The following LAMA5 variants were observed in gnomAD, a reference collection of about 807,000 sequenced individuals.
LAMA5 encodes the protein laminin subunit alpha 5, also known as laminin subunit alpha-5.
LAMA5 carries 260 observed loss-of-function variants against 433.4 expected under a neutral mutation model. The ratio of observed to expected loss-of-function variants is 0.60; its 90% CI spans 0.54 to 0.66. The LOEUF (loss-of-function observed/expected upper bound fraction) is 0.66, where lower values mean the gene tolerates loss of function less well. LAMA5 is among the 30% of genes least tolerant of loss of function. The probability of loss-of-function intolerance (pLI) is 0.00; values close to 1 mark genes in which losing one functional copy is unlikely to be tolerated. For missense variants in LAMA5, 5,378 were observed against 5,258.5 expected, an observed-to-expected ratio of 1.02 and a Z score of -0.70; for synonymous variants, 2,620 against 2,226.6, an observed-to-expected ratio of 1.18 and a Z score of -4.97.
At chr20:62,334,728 G>GGCTC (rs1981212483) in intron 20 of LAMA5, 107 bp from the exon 21 acceptor site, 1 of 695,230 alleles carries the variant, frequency 1.4e-6, no homozygotes, top group East Asian at 3.6e-5. Flanking sequence ...GGATGATGGA[G>GGCTC]AGTCAGGGCT....
In LAMA5 at chr20:62,312,006, T is replaced by C; in HGVS notation, c.9549A>G (p.Leu3183=). The C allele has an allele frequency of 6.2e-7, 1 of 1,612,692 alleles. No homozygotes were observed. The highest frequency in any genetic ancestry group is 1.1e-5 in the South Asian group (1 of 91,088). The change falls in exon 70 of 80, where the codon CTA becomes CTG. Residue 3183 remains leucine, a synonymous_variant. Coordinates refer to ENST00000252999, the MANE Select transcript of LAMA5 (RefSeq NM_005560.6). ...QVSLQQGRVS[L]QLLRTEVKTQ... ...TTTTCACTTCAGTCCTCAGGAGCTG[T>C]AGGCTCACACGGCCCTGCTGCAGGG...
chr20:62,313,077 G>C lies in LAMA5; in HGVS notation c.8955+11C>G. ...CAAGTGGGGATGGCAGGACGGGTGTGCCTGGCGCACCTGCTGCTTCAGGAA... is the reference window on the plus strand; with the variant it reads ...CAAGTGGGGATGGCAGGACGGGTGTCCCTGGCGCACCTGCTGCTTCAGGAA... On this transcript the variant is annotated intron_variant, in intron 65 of 79. Coordinates refer to ENST00000252999, the MANE Select transcript of LAMA5 (RefSeq NM_005560.6). The C allele has an allele frequency of 6.2e-7, 1 of 1,608,248 alleles. No homozygotes were observed. Among genetic ancestry groups the C allele is most frequent in the East Asian group, 2.2e-5 (1 of 44,838 alleles).
At chr20:62,318,333 G>T in intron 53 of LAMA5, 121 bp downstream of exon 53, 2 of 450,334 alleles carry the variant, frequency 4.4e-6, no homozygotes, top group Non-Finnish European at 7.9e-6. Flanking sequence ...GGAGGACGAG[G>T]GAGGGGAGGA....
At position 62,316,814 on chromosome 20, in the gene LAMA5, C is replaced by T. The variant is rs138943525; in HGVS notation, c.7654-41G>A. On this transcript the variant is annotated intron_variant, in intron 56 of 79. Coordinates refer to ENST00000252999, the MANE Select transcript of LAMA5 (RefSeq NM_005560.6). ...CAGACCGTGGCTCAGACACGCAGGC[C>T]GGGGCTGCGGGAGGTGCAGGCAGTG... The T allele has an allele frequency of 3.7e-4, 571 of 1,560,308 alleles. 7 individuals are homozygous for T. The East Asian group carries it at 0.011, about 31-fold the overall frequency.
chr20:62,352,604 C>T (rs575609886), intron 3 of LAMA5, among the ~76,000 whole-genome samples: 4 of 152,266 alleles, frequency 2.6e-5, no homozygotes, highest in Non-Finnish European at 5.9e-5. Flanking sequence ...TCCTCACCCC[C>T]TTCCTTGGGG....
Position 62,311,389 on chromosome 20 carries a change from TG to T in LAMA5, c.9942+11del, listed in dbSNP as rs757675501. ...CACCCCAGCTCTGCCTGCTCACCCC[TG>T]GGGTGCCCACCTTCCGGGCGGTGGC... is the stretch of plus-strand genomic sequence containing the variant. On this transcript the variant is annotated intron_variant, in intron 72 of 79. Transcript: ENST00000252999. 1 of 1,549,444 alleles carries T rather than the reference TG, an allele frequency of 6.5e-7. No homozygotes were observed. The highest frequency in any genetic ancestry group is 1.4e-5 in the African/African-American group (1 of 73,442).
intron 11 of LAMA5, among the ~76,000 whole-genome samples, chr20:62,343,706 G>A (rs1229801164): frequency 3.6e-5 from 5 of 137,816 alleles, no homozygotes; most frequent in Non-Finnish European, 7.6e-5. Flanking sequence ...AACTCGGGGG[G>A]CAGAGGTTGC....
At position 62,337,675 on chromosome 20, in the gene LAMA5, A is replaced by G. The variant is rs200746010; in HGVS notation, c.2079T>C (p.Ser693=). The change falls in exon 16 of 80, where the codon AGT becomes AGC. Residue 693 remains serine (S), a synonymous_variant. Coordinates refer to ENST00000252999, the MANE Select transcript of LAMA5 (RefSeq NM_005560.6). Reference sequence around the variant, plus strand: ...CACGGGGCCGGCAGCTGCACTGCCCACTCCGGGGGTCACAGGCTGCGTGCA... The same window carrying G: ...CACGGGGCCGGCAGCTGCACTGCCCGCTCCGGGGGTCACAGGCTGCGTGCA... ...GSLHAACDPR[S]GQCSCRPRVT... 5 of 1,611,946 alleles carry G rather than the reference A, an allele frequency of 3.1e-6. No individual in the cohort carries two copies. Among genetic ancestry groups the G allele is most frequent in the Non-Finnish European group, 4.2e-6 (5 of 1,179,610 alleles).
intron 11 of LAMA5, among the ~76,000 whole-genome samples, chr20:62,344,970 G>T (rs549664442): frequency 5.3e-5 from 8 of 152,286 alleles, no homozygotes; most frequent in African/African-American, 1.9e-4. Flanking sequence ...TGTGTACAGA[G>T]AGCATTCAAG....
In LAMA5 at chr20:62,312,019, C is replaced by T. The variant is rs749552099; in HGVS notation, c.9536G>A (p.Gly3179Asp). The T allele has an allele frequency of 5.0e-6, 8 of 1,612,620 alleles. No homozygotes were observed. The highest frequency in any genetic ancestry group is 5.9e-6 in the Non-Finnish European group (7 of 1,179,872). The change falls in exon 70 of 80, where the codon GGC (glycine) becomes GAC (aspartate). Residue 3179 changes from glycine to aspartate, a missense_variant. Transcript: ENST00000252999. ...CCTCAGGAGCTGTAGGCTCACACGG[C>T]CCTGCTGCAGGGACACCTGGCATAG... ...DGLCQVSLQQ[G>D]RVSLQLLRTE...
At chr20:62,311,338 G>A (rs973938350) in intron 72 of LAMA5, 31 bp from the exon 73 acceptor site, 6 of 1,526,856 alleles carry the variant, frequency 3.9e-6, no homozygotes, top group South Asian at 3.7e-5. Flanking sequence ...TGCAGGGGCC[G>A]CCCACACAGG....
intron 45 of LAMA5, 65 bp from the exon 46 acceptor site, chr20:62,322,823 C>A: frequency 9.6e-7 from 1 of 1,038,158 alleles, no homozygotes; most frequent in Non-Finnish European, 1.3e-6. Context: ...CCCTAGGCAC[C>A]CTCCTAAGCC....
Position 62,314,544 on chromosome 20 carries a change from C to T in LAMA5, c.8367+11G>A. ...TGAGCTCGGGCCGCATCCACCCAGC[C>T]AGCCTGGTACCTGGCGGCTGCCCAT... On this transcript the variant is annotated intron_variant, in intron 61 of 79. Transcript: ENST00000252999. The T allele has an allele frequency of 6.2e-7, 1 of 1,606,198 alleles. No individual in the cohort carries two copies. The highest frequency in any genetic ancestry group is 8.5e-7 in the Non-Finnish European group (1 of 1,175,716).
intron 53 of LAMA5, 90 bp downstream of exon 53, chr20:62,318,364 G>GGGAGGGGAGGGGAGGCTGAGA: frequency 1.6e-6 from 1 of 607,548 alleles, no homozygotes; most frequent in East Asian, 3.1e-5. Flanking sequence ...GGAGGACGAG[G>GGGAGGGGAGGGGAGGCTGAGA]GGAGGGGAGG....
rs762034229 is a variant in LAMA5, at chr20:62,313,470, C to T, written c.8659-10G>A. The T allele has an allele frequency of 1.3e-6, 2 of 1,597,472 alleles. No individual in the cohort carries two copies. The highest frequency in any genetic ancestry group is 1.1e-5 in the South Asian group (1 of 87,942). ...GAAGCAGGGGAGGGGGCTGTGGGCA[C>T]AGGGCTGGGTCAGGGCACCTGGCCT... is the stretch of plus-strand genomic sequence containing the variant. On this transcript the variant is annotated splice_polypyrimidine_tract_variant and intron_variant, in intron 63 of 79. Coordinates refer to ENST00000252999, the MANE Select transcript of LAMA5 (RefSeq NM_005560.6).
intron 50 of LAMA5, among the ~76,000 whole-genome samples, chr20:62,320,318 CAAAA>C (rs60260941): frequency 3.9e-5 from 2 of 51,282 alleles, no homozygotes; most frequent in Non-Finnish European, 6.7e-5. Context: ...AACTGTGTCT[CAAAA>C]AAAAAAAAAA....
intron 14 of LAMA5, 26 bp from the exon 15 acceptor site, chr20:62,337,964 C>A (rs372818001): frequency 6.3e-7 from 1 of 1,598,464 alleles, no homozygotes; most frequent in African/African-American, 1.3e-5. Flanking sequence ...GGGGTCAGGC[C>A]CTGGCGCCAT....
chr20:62,334,730 G>GTCAAGGC, intron 20 of LAMA5, 109 bp from the exon 21 acceptor site: 1 of 610,700 alleles, frequency 1.6e-6, no homozygotes, highest in South Asian at 2.0e-5. Flanking sequence ...ATGATGGAGA[G>GTCAAGGC]TCAGGGCTCA....
At chr20:62,354,521 G>T (rs1375691103) in intron 2 of LAMA5, among the ~76,000 whole-genome samples, 1 of 152,042 alleles carries the variant, frequency 6.6e-6, no homozygotes, top group African/African-American at 2.4e-5. Context: ...GAAACACCGT[G>T]GGGGTGGCTC....
Sources: allele counts gnomAD v4.1 joint callset (sites outside exome capture counted in the v4.1 genomes callset), GRCh38; gene constraint gnomAD v4.1.1; transcripts MANE v1.5; gene names NCBI Gene and HGNC (gene_info 2026-07-23, HGNC 2026-07-21).